Variants in SYNCRIP observed in about 807,000 individuals in gnomAD.
SYNCRIP encodes the protein heterogeneous nuclear ribonucleoprotein Q.
A neutral mutation model predicts 68.9 loss-of-function variants in SYNCRIP; 9 were observed. That is an observed-to-expected ratio of 0.13 (90% CI 0.08 to 0.23). The LOEUF (loss-of-function observed/expected upper bound fraction) is 0.23, where lower values mean the gene tolerates loss of function less well. SYNCRIP is among the 10% of genes least tolerant of loss of function. The pLI is 1.00. For synonymous variants in SYNCRIP, 258 were observed against 254.0 expected (o/e 1.02, Z -0.15); for missense variants, 414 against 770.6 (o/e 0.54, Z 5.48).
At chr6:85,611,135 T>C (rs1444869102), downstream of SYNCRIP, 1 of 152,064 alleles carries the variant, frequency 6.6e-6, no homozygotes, top group Non-Finnish European at 1.5e-5. Context: ...AACCAATTAA[T>C]GTGAAACATA....
chr6:85,614,665 G>C lies in SYNCRIP; in HGVS notation c.*91C>G. ...ATATACATAAAGGGAAATCTTGCCA[G>C]ATGTCACAAATTATAGCGGCACCCG... On this transcript the variant is annotated 3_prime_UTR_variant, in exon 11 of 11. Coordinates refer to ENST00000369622, the MANE Select transcript of SYNCRIP (RefSeq NM_006372.5). 1 of 1,449,132 alleles carries C rather than the reference G, an allele frequency of 6.9e-7. No homozygotes were observed. Among genetic ancestry groups the C allele is most frequent in the Non-Finnish European group, 9.1e-7 (1 of 1,100,028 alleles). The allele number at this position is 1,449,132 out of a possible 1,614,324, so 89.8% of individuals were successfully genotyped here. A position where few individuals can be genotyped will look rare whatever the true frequency, so the allele number is the denominator to read the frequency against.
At chr6:85,613,516 T>C (rs1805430648), downstream of SYNCRIP, among the ~76,000 whole-genome samples, 2 of 152,154 alleles carry the variant, frequency 1.3e-5, no homozygotes, top group Admixed American at 6.5e-5. Flanking sequence ...ACTCTAACAT[T>C]TTCCCATCAT....
At chr6:85,620,942 A>C (rs1033841150) in intron 8 of SYNCRIP, among the ~76,000 whole-genome samples, 3 of 152,248 alleles carry the variant, frequency 2.0e-5, no homozygotes, top group Non-Finnish European at 4.4e-5. Context: ...TTAACACTTA[A>C]CAAGAGTGGC....
At position 85,614,838 on chromosome 6, in the gene SYNCRIP, C is replaced by T. The variant is rs1272172097; in HGVS notation, c.1790G>A (p.Gly597Asp). The T allele has an allele frequency of 6.2e-7, 1 of 1,614,024 alleles. No homozygotes were observed. Among genetic ancestry groups the T allele is most frequent in the Non-Finnish European group, 8.5e-7 (1 of 1,180,032 alleles). ...ACCATAGTTACCAGAATGATCACCA[C>T]CTTGGAGCGGTTGCTGAGCAATGGG... ...SQPIAQQPLQGGDHSGNYGYK... is the reference protein window; with the variant it reads ...SQPIAQQPLQDGDHSGNYGYK... The change falls in exon 11 of 11, where the codon GGT (glycine) becomes GAT (aspartate). Residue 597 changes from glycine (G) to aspartate (D), a missense_variant. Gly to Asp is a moderately conservative substitution (Grantham distance 94). Coordinates refer to ENST00000369622, the MANE Select transcript of SYNCRIP (RefSeq NM_006372.5).
chr6:85,616,292 C>T (rs758086730), intron 10 of SYNCRIP, among the ~76,000 whole-genome samples: 8 of 152,088 alleles, frequency 5.3e-5, no homozygotes, highest in Non-Finnish European at 1.2e-4. Context: ...GAATAATTTA[C>T]TCGTGTTTTT....
downstream of SYNCRIP, chr6:85,609,560 C>G (rs1805090265): frequency 6.6e-6 from 1 of 151,904 alleles, no homozygotes; most frequent in African/African-American, 2.4e-5. Context: ...TGTGTGTGCA[C>G]ACTCAATTTT....
At chr6:85,626,705 T>G (rs1583278800) in intron 6 of SYNCRIP, among the ~76,000 whole-genome samples, 1 of 152,200 alleles carries the variant, frequency 6.6e-6, no homozygotes, top group Non-Finnish European at 1.5e-5. Context: ...ACAGCTAATC[T>G]GTAACATAGG....
downstream of SYNCRIP, among the ~76,000 whole-genome samples, chr6:85,613,810 G>C (rs930178475): frequency 6.6e-6 from 1 of 152,156 alleles, no homozygotes; most frequent in Non-Finnish European, 1.5e-5. Flanking sequence ...ACAGTCAAGA[G>C]GGCAATATAC....
At chr6:85,638,597 T>A (rs758323491) in intron 4 of SYNCRIP, among the ~76,000 whole-genome samples, 21 of 152,136 alleles carry the variant, frequency 1.4e-4, no homozygotes, top group Non-Finnish European at 2.8e-4. Flanking sequence ...TAGGGTCACC[T>A]CAGTCTCTGA....
At chr6:85,631,168 C>T (rs574269963) in intron 6 of SYNCRIP, among the ~76,000 whole-genome samples, 4 of 152,184 alleles carry the variant, frequency 2.6e-5, no homozygotes, top group South Asian at 2.1e-4. Flanking sequence ...CATGGCAAAA[C>T]GCCATCTCTA....
chr6:85,610,161 T>C (rs985634650), downstream of SYNCRIP: 1 of 151,904 alleles, frequency 6.6e-6, no homozygotes, highest in Non-Finnish European at 1.5e-5. Context: ...AAATTTAAGT[T>C]TGAAAATACC....
At position 85,619,386 on chromosome 6, in the gene SYNCRIP, T is replaced by C. The variant is rs773805420; in HGVS notation, c.1040A>G (p.Asn347Ser). The change falls in exon 9 of 11, where the codon AAT (asparagine) becomes AGT (serine). Residue 347 changes from asparagine to serine, a missense_variant. Asn to Ser is a conservative substitution (Grantham distance 46). Transcript: ENST00000369622. The stretch of plus-strand genomic sequence containing the variant: ...TTCTAAAATCTCTTCTGTTACAGTA[T>C]TGGCAAGGTTGCGTACAAACAGCAC... ...VKVLFVRNLANTVTEEILEKA... is the reference protein window; with the variant it reads ...VKVLFVRNLASTVTEEILEKA... 2.7e-5 allele frequency: 44 copies of C among 1,613,804 alleles called. No homozygotes were observed. Among genetic ancestry groups the C allele is most frequent in the Non-Finnish European group, 3.7e-5 (44 of 1,179,976 alleles).
chr6:85,641,777 T>G (rs1809190372), intron 1 of SYNCRIP, among the ~76,000 whole-genome samples: 1 of 152,018 alleles, frequency 6.6e-6, no homozygotes. Context: ...GAAAATGAGG[T>G]GTGTGTGGAG....
rs1805512571 is a variant in SYNCRIP, at chr6:85,614,243, TAAAC to T, written c.*509_*512del. On this transcript the variant is annotated 3_prime_UTR_variant, in exon 11 of 11. Transcript: ENST00000369622. ...TTTAGGTGTGAATTTTTTATTGAAATAAACAACAGCATAAAGAATACAAGTAGCC... is the reference window on the plus strand; with the variant it reads ...TTTAGGTGTGAATTTTTTATTGAAATAACAGCATAAAGAATACAAGTAGCC... The T allele has an allele frequency of 7.1e-6, 7 of 985,452 alleles. No individual in the cohort carries two copies. Among genetic ancestry groups the T allele is most frequent in the South Asian group, 4.7e-5 (1 of 21,286 alleles). The allele number at this position is 985,452 out of a possible 1,614,324, so 61.0% of individuals were successfully genotyped here. A position where few individuals can be genotyped will look rare whatever the true frequency, so the allele number is the denominator to read the frequency against.
intron 6 of SYNCRIP, among the ~76,000 whole-genome samples, chr6:85,634,353 G>A (rs1167575128): frequency 6.6e-6 from 1 of 152,074 alleles, no homozygotes; most frequent in Non-Finnish European, 1.5e-5. Flanking sequence ...ACCATAATTG[G>A]TACATTTTGA....
At chr6:85,612,744 T>A (rs555106217), downstream of SYNCRIP, 11 of 852,812 alleles carry the variant, frequency 1.3e-5, no homozygotes, top group South Asian at 2.7e-4. Flanking sequence ...TGTCCCGTAT[T>A]TGATTCCATG....
At chr6:85,632,815 T>G (rs1236899815) in intron 6 of SYNCRIP, among the ~76,000 whole-genome samples, 1 of 152,134 alleles carries the variant, frequency 6.6e-6, no homozygotes, top group Non-Finnish European at 1.5e-5. Flanking sequence ...GGTGCCCTCA[T>G]AGTCCTAGCT....
intron 8 of SYNCRIP, among the ~76,000 whole-genome samples, chr6:85,621,564 C>G (rs1806407467): frequency 6.6e-6 from 1 of 150,760 alleles, no homozygotes; most frequent in African/African-American, 2.4e-5. Flanking sequence ...ATGATCATGC[C>G]CCTGAACTCT....
chr6:85,612,771 C>G (rs1938202302), downstream of SYNCRIP: 3 of 1,138,184 alleles, frequency 2.6e-6, no homozygotes, highest in African/African-American at 4.8e-5. Context: ...ATAGGAAGGT[C>G]TTCTGCAATA....
Sources: allele counts gnomAD v4.1 joint callset (sites outside exome capture counted in the v4.1 genomes callset), GRCh38; gene constraint gnomAD v4.1.1; transcripts MANE v1.5; gene names NCBI Gene and HGNC (gene_info 2026-07-23, HGNC 2026-07-21).